Variants in ELK3 observed in about 807,000 individuals in gnomAD.
ELK3 encodes the protein ETS domain-containing protein Elk-3.
A neutral mutation model predicts 28.9 loss-of-function variants in ELK3; 10 were observed. The observed-to-expected ratio is 0.35, with a 90% CI of 0.21 to 0.59. The LOEUF is 0.59. Among genes scored for constraint, ELK3 ranks in the 20% least tolerant of loss-of-function variants. The pLI, the probability that ELK3 is intolerant of heterozygous loss-of-function variation, is 0.82. For missense variants in ELK3, 463 were observed against 517.3 expected (o/e 0.90, Z 1.02); for synonymous variants, 272 against 243.5 (o/e 1.12, Z -1.09).
intron 2 of ELK3, among the ~76,000 whole-genome samples, chr12:96,234,149 G>A (rs1348402374): frequency 6.6e-6 from 1 of 152,192 alleles, no homozygotes; most frequent in African/African-American, 2.4e-5. Flanking sequence ...GCTGCGTGTT[G>A]ACTGAAGGTG....
chr12:96,257,055 C>G (rs1442724916), intron 3 of ELK3, among the ~76,000 whole-genome samples: 1 of 152,222 alleles, frequency 6.6e-6, no homozygotes, highest in African/African-American at 2.4e-5. Flanking sequence ...TCCTTATCTG[C>G]CATGCTTGTT....
chr12:96,199,659 A>G (rs1252009057), intron 1 of ELK3, among the ~76,000 whole-genome samples: 1 of 152,228 alleles, frequency 6.6e-6, no homozygotes, highest in Non-Finnish European at 1.5e-5. Context: ...GGAGATTTAC[A>G]TATATGTCAG....
rs570899185 is a variant in ELK3, at chr12:96,202,909, A to G, written c.-3+8204A>G. Among the ~76,000 whole-genome samples, 309 of 151,874 alleles carry G rather than the reference A, an allele frequency of 2.0e-3. 2 individuals carry two copies. The highest frequency in any genetic ancestry group is 7.1e-3 in the African/African-American group (293 of 41,390). ...TGTTACCCAAACACAGGAACATGAG[A>G]TGGAGTCTCGCTCCGTCGCCCAGTC... On this transcript the variant is annotated intron_variant, in intron 1 of 4. Coordinates refer to ENST00000228741, the MANE Select transcript of ELK3 (RefSeq NM_005230.4).
chr12:96,247,448 TCTC>T lies in ELK3; in HGVS notation c.717_719del (p.Phe239_Ser240delinsLeu), dbSNP rs1262207080. The T allele has an allele frequency of 6.2e-7, 1 of 1,613,962 alleles. No homozygotes were observed. The highest frequency in any genetic ancestry group is 1.7e-5 in the Admixed American group (1 of 59,998). ...GCCAGTATTTCATCCGCCTCACCCT[TCTC>T]ATCTCGGTCCCCGTCCCTGTCCCCC... On this transcript the variant is annotated inframe_deletion, in exon 3 of 5. Transcript: ENST00000228741. This position sits in a 1 kb window ranked among gnomAD's most constrained non-coding sequence, Gnocchi z 5.5.
At position 96,247,676 on chromosome 12, in the gene ELK3, C is replaced by T. The variant is rs138659793; in HGVS notation, c.944C>T (p.Ala315Val). The change falls in exon 3 of 5, where the codon GCC becomes GTC. Residue 315 changes from alanine to valine, a missense_variant. Ala to Val is a moderately conservative substitution (Grantham distance 64). Coordinates refer to ENST00000228741, the MANE Select transcript of ELK3 (RefSeq NM_005230.4). The surrounding 1 kb of genome is among the most constrained non-coding windows in gnomAD (Gnocchi z 5.5). ...TCCGGCACCGACATCGGCTCCATCGCCCTCAACAGCCCAGCCCTCCCCTCG... is the reference window on the plus strand; with the variant it reads ...TCCGGCACCGACATCGGCTCCATCGTCCTCAACAGCCCAGCCCTCCCCTCG... Reference protein sequence around the residue: ...VLSGTDIGSIALNSPALPSGS... With the variant: ...VLSGTDIGSIVLNSPALPSGS... 4.9e-5 allele frequency: 79 copies of T among 1,611,402 alleles called. No individual in the cohort carries two copies. The highest frequency in any genetic ancestry group is 6.3e-5 in the Non-Finnish European group (74 of 1,179,474).
At chr12:96,246,900 G>A (rs992920169) in intron 2 of ELK3, 40 bp from the exon 3 acceptor site, 12 of 1,545,986 alleles carry the variant, frequency 7.8e-6, no homozygotes, top group Non-Finnish European at 1.0e-5. Flanking sequence ...TGGTTTCTCG[G>A]GTGCACTCAG....
intron 1 of ELK3, among the ~76,000 whole-genome samples, chr12:96,210,597 A>ACCCCCCCCCCCCC (rs1555193042): frequency 6.7e-6 from 1 of 149,066 alleles, no homozygotes; most frequent in African/African-American, 2.5e-5. Flanking sequence ...ACACACACAC[A>ACCCCCCCCCCCCC]CCCCGAGTGG....
At chr12:96,221,602 G>A (rs978294522) in intron 1 of ELK3, among the ~76,000 whole-genome samples, 7 of 152,198 alleles carry the variant, frequency 4.6e-5, no homozygotes, top group East Asian at 3.9e-4. Context: ...ACTGTTAGCC[G>A]TTCTTAGTGC....
At chr12:96,202,591 A>G (rs899172993) in intron 1 of ELK3, among the ~76,000 whole-genome samples, 2 of 139,524 alleles carry the variant, frequency 1.4e-5, no homozygotes, top group Non-Finnish European at 3.0e-5. Context: ...CAGTGGCACC[A>G]TCTTGGGTCA....
rs1331048529 is a variant in ELK3 at position 96,269,824 on chromosome 12, G to A, written c.*2644G>A. On this transcript the variant is annotated 3_prime_UTR_variant, in exon 5 of 5. Transcript: ENST00000228741. Reference sequence around the variant, plus strand: ...CAATAAAAACTTTGTGATAAAAGGTGTTTAGAGGTAACTGGATTGGCTTAC... The same window carrying A: ...CAATAAAAACTTTGTGATAAAAGGTATTTAGAGGTAACTGGATTGGCTTAC... 1 of 152,160 alleles carries A rather than the reference G, an allele frequency of 6.6e-6. No individual in the cohort carries two copies. Among genetic ancestry groups the A allele is most frequent in the South Asian group, 2.1e-4 (1 of 4,836 alleles). The allele number at this position is 152,160 out of a possible 1,614,324, so 9.4% of individuals were successfully genotyped here. A position where few individuals can be genotyped will look rare whatever the true frequency, so the allele number is the denominator to read the frequency against.
Position 96,259,539 on chromosome 12 carries a change from G to C in ELK3, c.1003-192G>C, listed in dbSNP as rs567466710. ...CCAGCCTGGGTGACAGAGCGAGACT[G>C]TCTCCAAAAGAAAAGAAAATTAAAA... On this transcript the variant is annotated intron_variant, in intron 3 of 4. Coordinates refer to ENST00000228741, the MANE Select transcript of ELK3 (RefSeq NM_005230.4). 6.6e-5 allele frequency among the ~76,000 whole-genome samples: 10 copies of C among 152,242 alleles called. No individual in the cohort carries two copies. In the South Asian group the frequency reaches 2.1e-3, roughly 32 times the overall value.
intron 2 of ELK3, among the ~76,000 whole-genome samples, chr12:96,246,652 C>A (rs1951857868): frequency 6.6e-6 from 1 of 152,132 alleles, no homozygotes. Context: ...CAGAGTGAGA[C>A]CCTGTCTAAG....
rs374738829 is a variant in ELK3 at position 96,247,586 on chromosome 12, C to T, written c.854C>T (p.Pro285Leu). ...TCATCGGGCTCCAAGACCAAGTCTC[C>T]ATCTCTTCCCCCAAAGGCCAAAAAA... ...NLSSGSKTKS[P>L]SLPPKAKKPK... Residue 285 changes from proline to leucine, a missense_variant, in exon 3 of 5, where the codon CCA (proline) becomes CTA (leucine). By Grantham distance (98) the Pro-to-Leu change is moderately conservative. Around this residue, in one of 2 missense-constraint regions of ELK3, gnomAD observed 408 missense variants for 414.8 expected, o/e 0.98. Coordinates refer to ENST00000228741, the MANE Select transcript of ELK3 (RefSeq NM_005230.4). The surrounding 1 kb of genome is among the most constrained non-coding windows in gnomAD (Gnocchi z 5.5). The T allele has an allele frequency of 1.5e-5, 24 of 1,614,042 alleles. No homozygotes were observed. The African/African-American group carries it at 3.2e-4, about 22-fold the overall frequency.
chr12:96,211,670 A>G (rs951487692), intron 1 of ELK3, among the ~76,000 whole-genome samples: 2 of 152,214 alleles, frequency 1.3e-5, no homozygotes, highest in Non-Finnish European at 2.9e-5. Flanking sequence ...ATATATCACA[A>G]TGTGATATTT....
intron 2 of ELK3, 169 bp downstream of exon 2, chr12:96,223,942 C>T (rs113560428): frequency 1.0e-4 from 71 of 685,358 alleles, no homozygotes; most frequent in African/African-American, 8.1e-4. Context: ...ATTTTCCCCA[C>T]CCTCTGGACG....
At chr12:96,219,111 T>A (rs1951644081) in intron 1 of ELK3, among the ~76,000 whole-genome samples, 1 of 152,202 alleles carries the variant, frequency 6.6e-6, no homozygotes, top group Admixed American at 6.5e-5. Context: ...ATGTGCATAA[T>A]AATCTATCAA....
chr12:96,223,455 T>TG (rs1280677083), intron 1 of ELK3, 110 bp from the exon 2 acceptor site: 3 of 1,005,998 alleles, frequency 3.0e-6, no homozygotes, highest in Non-Finnish European at 4.6e-6. Context: ...TTAGGTTCAC[T>TG]GGGGGAAGGA....
At position 96,259,769 on chromosome 12, in the gene ELK3, C is replaced by T; in HGVS notation, c.1041C>T (p.Leu347=). 6.2e-7 allele frequency: 1 copy of T among 1,611,508 alleles called. No individual in the cohort carries two copies. The highest frequency in any genetic ancestry group is 8.5e-7 in the Non-Finnish European group (1 of 1,179,192). ...NGLLLTPSPL[L]SSIHFWSSLS... is the part of the protein sequence containing the mutation. ...TGCTTCTGACTCCGAGTCCACTGCT[C>T]TCCAGCATACATTTCTGGAGCAGCC... The change falls in exon 4 of 5, where the codon CTC becomes CTT. Residue 347 remains leucine, a synonymous_variant. Coordinates refer to ENST00000228741, the MANE Select transcript of ELK3 (RefSeq NM_005230.4).
intron 1 of ELK3, among the ~76,000 whole-genome samples, chr12:96,199,807 GAATT>G (rs925216170): frequency 3.3e-5 from 5 of 151,920 alleles, no homozygotes; most frequent in Admixed American, 1.3e-4. Flanking sequence ...TTTTTTCTAA[GAATT>G]AAATAAGATT....
Sources: allele counts gnomAD v4.1 joint callset (sites outside exome capture counted in the v4.1 genomes callset), GRCh38; gene constraint gnomAD v4.1.1; regional missense constraint gnomAD v4.1.1; non-coding constraint Gnocchi (gnomAD v3.1); transcripts MANE v1.5; gene names NCBI Gene and HGNC (gene_info 2026-07-23, HGNC 2026-07-21).